Variants in SPACA6 observed in about 807,000 individuals in gnomAD.
SPACA6 encodes the protein sperm acrosome membrane-associated protein 6.
For synonymous variants in SPACA6, 6 were observed against 1.5 expected, an observed-to-expected ratio of 4.05 and a Z score of -2.21; for missense variants, 8 against 2.8, an observed-to-expected ratio of 2.88 and a Z score of -1.34.
chr19:51,683,725 G>A, the SPACA6 span, among the ~76,000 whole-genome samples: 25 of 152,148 alleles, frequency 1.6e-4, no homozygotes, highest in African/African-American at 5.8e-4. Flanking sequence ...ACTGTTTTAA[G>A]CACTTTCCAT....
At chr19:51,694,215 AGAG>A (rs2122197233) in intron 1 of SPACA6, 1 of 351,182 alleles carries the variant, frequency 2.8e-6, no homozygotes, top group East Asian at 4.2e-5. Flanking sequence ...GGAGACTCAA[AGAG>A]GATGGAAACC....
At chr19:51,691,742 A>G (rs969096001), upstream of SPACA6, among the ~76,000 whole-genome samples, 3 of 148,106 alleles carry the variant, frequency 2.0e-5, no homozygotes, top group South Asian at 6.7e-4. Flanking sequence ...AGCGAGAACC[A>G]GACAGTCCAG....
chr19:51,687,525 G>A (rs1006781960), upstream of SPACA6: 4 of 149,798 alleles, frequency 2.7e-5, no homozygotes, highest in Non-Finnish European at 4.4e-5. Context: ...AGAATAATGT[G>A]ATCCTATCAG....
Position 51,704,349 on chromosome 19 carries a change from C to T in SPACA6, c.810C>T (p.Ala270=). The part of the protein sequence containing the change: ...REVLRWAPRD[A]ELIEPWRPSL... ...TGCTGCGCTGGGCGCCGCGGGATGC[C>T]GAGCTGATCGAGCCCTGGAGGCCCA... is the stretch of plus-strand genomic sequence containing the variant. The change falls in exon 8 of 9, where the codon GCC becomes GCT. Residue 270 remains alanine (A), a synonymous_variant. Transcript: ENST00000637797. 1 of 400,956 alleles carries T rather than the reference C, an allele frequency of 2.5e-6. No homozygotes were observed. 24.8% of individuals were successfully genotyped at this position (400,956 alleles called of 1,614,324 possible).
At chr19:51,704,759 T>G (rs114373734) in intron 8 of SPACA6, 23,132 of 294,110 alleles carry the variant, frequency 0.079, 928 homozygotes, top group African/African-American at 0.17. Flanking sequence ...AGACCCAGGA[T>G]TCCAGGCCCC....
chr19:51,688,814 A>G (rs2083341573), upstream of SPACA6, among the ~76,000 whole-genome samples: 1 of 152,070 alleles, frequency 6.6e-6, no homozygotes, highest in African/African-American at 2.4e-5. Context: ...AGATGTGCAG[A>G]GACAGAAGGG....
At chr19:51,702,592 T>C in intron 3 of SPACA6, 37 bp from the exon 4 acceptor site, 2 of 399,056 alleles carry the variant, frequency 5.0e-6, no homozygotes, top group Non-Finnish European at 4.4e-6. Context: ...GTTCTTCCCA[T>C]GACTGTAAGG....
At chr19:51,702,736 C>T in intron 4 of SPACA6, 84 bp downstream of exon 4, 1 of 399,052 alleles carries the variant, frequency 2.5e-6, no homozygotes, top group Admixed American at 4.4e-5. Context: ...TGTGGGAAAG[C>T]GGGTGGGCTT....
upstream of SPACA6, among the ~76,000 whole-genome samples, chr19:51,691,215 AAG>A (rs551967923): frequency 2.3e-3 from 348 of 149,352 alleles, 1 homozygote; most frequent in African/African-American, 8.0e-3. Context: ...AGAGAGAGAG[AAG>A]GGAGGGAGAC....
At chr19:51,705,706 A>T (rs372755583), downstream of SPACA6, among the ~76,000 whole-genome samples, 1,051 of 150,348 alleles carry the variant, frequency 7.0e-3, 10 homozygotes, top group African/African-American at 0.025. Context: ...ATTTTATTTT[A>T]TTTTTTTGGA....
At chr19:51,691,441 G>C (rs1429518308), upstream of SPACA6, among the ~76,000 whole-genome samples, 2 of 149,534 alleles carry the variant, frequency 1.3e-5, no homozygotes, top group African/African-American at 5.0e-5. Context: ...GAGGGCCAGA[G>C]AGAGAATGAG....
In SPACA6 at chr19:51,694,480, TATG is replaced by T; in HGVS notation, c.222_224del (p.Asp74del). 2.5e-6 allele frequency: 1 copy of T among 399,726 alleles called. No individual in the cohort carries two copies. Among genetic ancestry groups the T allele is most frequent in the Non-Finnish European group, 4.4e-6 (1 of 226,568 alleles). 24.8% of individuals were successfully genotyped at this position (399,726 alleles called of 1,614,324 possible). Reference sequence around the variant, plus strand: ...CCTGCTCCCTCCCTCACCGCCAGACTATGATGAGAGAAGCCACCTGCATGACAC... The same window carrying T: ...CCTGCTCCCTCCCTCACCGCCAGACTATGAGAGAAGCCACCTGCATGACAC... On this transcript the variant is annotated inframe_deletion, in exon 2 of 9. Coordinates refer to ENST00000637797, the MANE Select transcript of SPACA6 (RefSeq NM_001316972.2).
intron 2 of SPACA6, among the ~76,000 whole-genome samples, chr19:51,698,601 C>T (rs1389119670): frequency 2.6e-5 from 4 of 152,260 alleles, no homozygotes; most frequent in African/African-American, 9.6e-5. Context: ...GCTCTGTGGC[C>T]AAGGAGAGAC....
At chr19:51,697,327 G>A (rs555223160) in intron 2 of SPACA6, among the ~76,000 whole-genome samples, 1 of 152,332 alleles carries the variant, frequency 6.6e-6, no homozygotes, top group African/African-American at 2.4e-5. Flanking sequence ...CCGGCCCATG[G>A]TGGCTTGGAC....
chr19:51,705,076 C>G lies in SPACA6; in HGVS notation c.942-14C>G, dbSNP rs1478042252. 1 of 401,160 alleles carries G rather than the reference C, an allele frequency of 2.5e-6. No individual in the cohort carries two copies. The highest frequency in any genetic ancestry group is 4.4e-6 in the Non-Finnish European group (1 of 226,300). 24.9% of individuals were successfully genotyped at this position (401,160 alleles called of 1,614,324 possible). On this transcript the variant is annotated splice_polypyrimidine_tract_variant and intron_variant, in intron 8 of 8. Coordinates refer to ENST00000637797, the MANE Select transcript of SPACA6 (RefSeq NM_001316972.2). ...AACCCCTCCTGTAACACACATACCT[C>G]TTTGTTTCCCCAGGATGTTCTTTCG...
chr19:51,695,136 G>A (rs1018284378), intron 2 of SPACA6, among the ~76,000 whole-genome samples: 4 of 152,152 alleles, frequency 2.6e-5, no homozygotes, highest in African/African-American at 9.7e-5. Flanking sequence ...GCAATTAGAG[G>A]GCGGGAAAAC....
chr19:51,695,822 G>C (rs1046229932), intron 2 of SPACA6, among the ~76,000 whole-genome samples: 4 of 152,144 alleles, frequency 2.6e-5, no homozygotes, highest in Non-Finnish European at 2.9e-5. Flanking sequence ...AGGCCCGAGT[G>C]GGGGCTGGGG....
intron 2 of SPACA6, among the ~76,000 whole-genome samples, chr19:51,700,099 T>C (rs1353024212): frequency 6.6e-6 from 1 of 151,882 alleles, no homozygotes; most frequent in Non-Finnish European, 1.5e-5. Context: ...ACTAAAAATA[T>C]AAAAATTCGC....
chr19:51,685,426 G>T (rs1284701153), upstream of SPACA6: 1 of 152,006 alleles, frequency 6.6e-6, no homozygotes, highest in Non-Finnish European at 1.5e-5. Flanking sequence ...AGATATTTGG[G>T]GATGAGACCC....
Sources: gnomAD v4.1 joint callset for allele counts (sites outside exome capture counted in the v4.1 genomes callset) on GRCh38, gnomAD v4.1.1 for gene constraint, MANE v1.5 for transcripts, NCBI Gene and HGNC (gene_info 2026-07-23, HGNC 2026-07-21) for gene names.